Variants in NRXN1 observed in about 807,000 individuals in gnomAD.
NRXN1 encodes the protein neurexin-1.
A neutral mutation model predicts 150.9 loss-of-function variants in NRXN1; 39 were observed. That is an observed-to-expected ratio of 0.26 (90% CI 0.20 to 0.34). NRXN1 has a LOEUF of 0.34. NRXN1 is among the 10% of genes least tolerant of loss of function. The pLI, the probability that NRXN1 is intolerant of heterozygous loss-of-function variation, is 1.00. For missense variants in NRXN1, 1,815 were observed against 1,949.9 expected, an observed-to-expected ratio of 0.93 and a Z score of 1.30; for synonymous variants, 924 against 757.0, an observed-to-expected ratio of 1.22 and a Z score of -3.62.
chr2:50,171,732 A>G (rs1445670814), intron 18 of NRXN1, among the ~76,000 whole-genome samples: 1 of 152,208 alleles, frequency 6.6e-6, no homozygotes, highest in Non-Finnish European at 1.5e-5. Context: ...TCCGAGGACC[A>G]CTATTCTTGA....
intron 5 of NRXN1, among the ~76,000 whole-genome samples, chr2:50,783,756 G>A (rs1704677611): frequency 6.6e-6 from 1 of 152,078 alleles, no homozygotes; most frequent in Non-Finnish European, 1.5e-5. Flanking sequence ...ACTTTTCCAA[G>A]TGTGGGAATA....
chr2:50,751,931 A>AC (rs946146514), intron 5 of NRXN1, among the ~76,000 whole-genome samples: 3 of 151,922 alleles, frequency 2.0e-5, no homozygotes, highest in Non-Finnish European at 4.4e-5. Flanking sequence ...ATCACCTAGC[A>AC]CAGTGCCTAG....
chr2:50,077,804 G>A (rs1240748118), intron 19 of NRXN1, among the ~76,000 whole-genome samples: 2 of 151,946 alleles, frequency 1.3e-5, no homozygotes, highest in Non-Finnish European at 2.9e-5. Flanking sequence ...ATTCTCAGTG[G>A]ACATTTTACA....
chr2:50,167,601 A>G (rs985712473), intron 18 of NRXN1, among the ~76,000 whole-genome samples: 11 of 152,174 alleles, frequency 7.2e-5, no homozygotes, highest in African/African-American at 2.2e-4. Context: ...ATTCATGAGG[A>G]AAAAGAACAA....
At chr2:50,909,113 A>G (rs1050198024) in intron 5 of NRXN1, among the ~76,000 whole-genome samples, 16 of 152,114 alleles carry the variant, frequency 1.1e-4, no homozygotes, top group Non-Finnish European at 2.4e-4. Context: ...AGAGAAATTG[A>G]AAACAGAGCA....
chr2:50,982,620 G>A (rs1697008431), intron 2 of NRXN1, among the ~76,000 whole-genome samples: 1 of 151,948 alleles, frequency 6.6e-6, no homozygotes, highest in Non-Finnish European at 1.5e-5. Context: ...TTAACCCAAA[G>A]TTATCAATAA....
chr2:50,907,684 G>A (rs1367344824), intron 5 of NRXN1, among the ~76,000 whole-genome samples: 1 of 151,958 alleles, frequency 6.6e-6, no homozygotes, highest in Non-Finnish European at 1.5e-5. Flanking sequence ...AAGGTTACTG[G>A]CTTTGAAGAT....
chr2:50,291,760 A>G (rs188875372), intron 17 of NRXN1, among the ~76,000 whole-genome samples: 7 of 151,520 alleles, frequency 4.6e-5, no homozygotes, highest in Non-Finnish European at 7.4e-5. Context: ...TGGTATGTCC[A>G]GGAACTTAAG....
At position 49,922,203 on chromosome 2, in the gene NRXN1, T is replaced by A; in HGVS notation, c.4265A>T (p.Glu1422Val). ...GGTGCTGCTGGACTCCCGGATCACT[T>A]CTGCTGAGCCTGGATACGGCTCTCT... Reference protein sequence around the residue: ...GGREPYPGSAEVIRESSSTTG... With the variant: ...GGREPYPGSAVVIRESSSTTG... Residue 1422 changes from glutamate to valine, a missense_variant, in exon 23 of 23, where the codon GAA becomes GTA. Physicochemically the swap from Glu to Val is moderately radical, Grantham distance 121. Around this residue, in one of 6 missense-constraint regions of NRXN1, gnomAD observed 265 missense variants for 307.1 expected, o/e 0.86. Transcript: ENST00000401669. 2.5e-6 allele frequency: 4 copies of A among 1,614,172 alleles called. No homozygotes were observed. Among genetic ancestry groups the A allele is most frequent in the Non-Finnish European group, 3.4e-6 (4 of 1,180,022 alleles).
intron 5 of NRXN1, among the ~76,000 whole-genome samples, chr2:50,693,961 G>C (rs1016560441): frequency 1.3e-5 from 2 of 151,924 alleles, no homozygotes; most frequent in East Asian, 3.9e-4. Context: ...TCGGCTAATT[G>C]TTTTTATTTT....
At chr2:50,868,731 C>A (rs1677333080) in intron 5 of NRXN1, among the ~76,000 whole-genome samples, 1 of 151,758 alleles carries the variant, frequency 6.6e-6, no homozygotes, top group Non-Finnish European at 1.5e-5. Context: ...CAGAGAGACT[C>A]ATTGACAGCA....
chr2:49,930,446 CA>C (rs1669935578), intron 22 of NRXN1, among the ~76,000 whole-genome samples: 1 of 152,102 alleles, frequency 6.6e-6, no homozygotes, highest in South Asian at 2.1e-4. Context: ...AAACTACACA[CA>C]AGCAAGTGGA....
chr2:50,799,575 C>G (rs1707298938), intron 5 of NRXN1, among the ~76,000 whole-genome samples: 1 of 152,166 alleles, frequency 6.6e-6, no homozygotes, highest in African/African-American at 2.4e-5. Context: ...AGAAACCGTA[C>G]GTCGAGTACC....
chr2:50,482,502 A>AT (rs72386070), intron 15 of NRXN1, among the ~76,000 whole-genome samples: 7 of 151,848 alleles, frequency 4.6e-5, no homozygotes, highest in African/African-American at 9.7e-5. Flanking sequence ...TCCATGTTTC[A>AT]TTTTTTTTAC....
At chr2:50,921,391 T>C (rs1170755777) in intron 5 of NRXN1, among the ~76,000 whole-genome samples, 1 of 151,824 alleles carries the variant, frequency 6.6e-6, no homozygotes, top group Non-Finnish European at 1.5e-5. Context: ...TTTAGGTTAC[T>C]ACAGTGTTCA....
chr2:50,790,739 A>T (rs1328913157), intron 5 of NRXN1, among the ~76,000 whole-genome samples: 1 of 152,114 alleles, frequency 6.6e-6, no homozygotes, highest in African/African-American at 2.4e-5. Flanking sequence ...GCCTATACAT[A>T]ATGTTCACAT....
At chr2:50,255,306 A>G (rs1346620806) in intron 17 of NRXN1, among the ~76,000 whole-genome samples, 1 of 152,204 alleles carries the variant, frequency 6.6e-6, no homozygotes, top group African/African-American at 2.4e-5. Flanking sequence ...AAAAGAAAAG[A>G]AAGAGGTTCT....
intron 2 of NRXN1, among the ~76,000 whole-genome samples, chr2:50,968,796 T>C (rs902161992): frequency 6.6e-6 from 1 of 152,152 alleles, no homozygotes; most frequent in African/African-American, 2.4e-5. Flanking sequence ...GTCCCTATTA[T>C]GTCACTAATC....
At chr2:50,975,349 A>T (rs966194300) in intron 2 of NRXN1, among the ~76,000 whole-genome samples, 3 of 152,142 alleles carry the variant, frequency 2.0e-5, no homozygotes, top group African/African-American at 4.8e-5. Context: ...CTGCTAATCT[A>T]AAGCAAGCTT....
Sources: allele counts gnomAD v4.1 joint callset (sites outside exome capture counted in the v4.1 genomes callset), GRCh38; gene constraint gnomAD v4.1.1; regional missense constraint gnomAD v4.1.1; transcripts MANE v1.5; gene names NCBI Gene and HGNC (gene_info 2026-07-23, HGNC 2026-07-21).